Variants in RGS22 observed in about 807,000 individuals in gnomAD.
RGS22 encodes the protein regulator of G-protein signaling 22.
In RGS22, 148 loss-of-function variants were observed where a neutral mutation model predicts 172.9. That is an observed-to-expected ratio of 0.86 (90% CI 0.75 to 0.98). The LOEUF (loss-of-function observed/expected upper bound fraction) is 0.98, where lower values mean the gene tolerates loss of function less well. Among genes scored for constraint, RGS22 ranks in the 50% least tolerant of loss-of-function variants. RGS22 has a pLI of 0.00. For missense variants in RGS22, 1,347 were observed against 1,440.8 expected, an observed-to-expected ratio of 0.93 and a Z score of 1.05; for synonymous variants, 458 against 480.2, an observed-to-expected ratio of 0.95 and a Z score of 0.60.
rs1563597602 is a variant in RGS22 at position 100,001,209 on chromosome 8, T to TATAC, written c.2790+992_2790+993insGTAT. On this transcript the variant is annotated intron_variant, in intron 18 of 27. Coordinates refer to ENST00000360863, the MANE Select transcript of RGS22 (RefSeq NM_015668.5). The stretch of plus-strand genomic sequence containing the variant: ...CCGCTGAATCCCAATTTTTTATATA[T>TATAC]ATATATATATACATATATATATATA... Among the ~76,000 whole-genome samples, 3 of 134,916 alleles carry TATAC rather than the reference T, an allele frequency of 2.2e-5. 1 individual carries two copies. Among genetic ancestry groups the TATAC allele is most frequent in the Non-Finnish European group, 4.7e-5 (3 of 63,600 alleles). The allele number at this position is 134,916 out of a possible 152,430, so 88.5% of individuals were successfully genotyped here. A position where few individuals can be genotyped will look rare whatever the true frequency, so the allele number is the denominator to read the frequency against.
intron 15 of RGS22, among the ~76,000 whole-genome samples, chr8:100,006,352 T>G (rs1815712610): frequency 1.3e-5 from 2 of 152,332 alleles, no homozygotes; most frequent in South Asian, 4.1e-4. Flanking sequence ...TCTGGAGGAA[T>G]GTAAACTTAC....
At chr8:100,088,754 A>AG (rs1485489464) in intron 3 of RGS22, among the ~76,000 whole-genome samples, 1 of 152,122 alleles carries the variant, frequency 6.6e-6, no homozygotes, top group East Asian at 1.9e-4. Context: ...GAAATAGTGT[A>AG]GGGGCCAGAA....
chr8:100,026,726 T>C (rs1389166220), intron 14 of RGS22, among the ~76,000 whole-genome samples: 1 of 152,232 alleles, frequency 6.6e-6, no homozygotes, highest in African/African-American at 2.4e-5. Flanking sequence ...AAATTGATTC[T>C]GAAGTTGTTA....
chr8:100,001,202 T>TTA (rs140189906), intron 18 of RGS22, among the ~76,000 whole-genome samples: 3,383 of 124,678 alleles, frequency 0.027, 93 homozygotes, highest in East Asian at 0.11. Context: ...TCCCAATTTT[T>TTA]TATATATATA....
intron 19 of RGS22, among the ~76,000 whole-genome samples, chr8:99,998,568 C>A (rs1814639512): frequency 6.6e-6 from 1 of 152,070 alleles, no homozygotes. Context: ...GACACTGAGA[C>A]AACAGGGTGA....
intron 2 of RGS22, among the ~76,000 whole-genome samples, chr8:100,103,539 C>G (rs762302624): frequency 2.0e-5 from 3 of 152,092 alleles, no homozygotes; most frequent in Non-Finnish European, 4.4e-5. Context: ...ACTGTTGACA[C>G]GGACATTCAG....
intron 11 of RGS22, chr8:100,046,086 A>G (rs1488020387): frequency 1.3e-5 from 2 of 152,116 alleles, no homozygotes; most frequent in African/African-American, 2.4e-5. Flanking sequence ...AAAATCTAAG[A>G]TATTTTAATA....
At chr8:100,075,009 A>T (rs1811246953) in intron 4 of RGS22, among the ~76,000 whole-genome samples, 1 of 152,036 alleles carries the variant, frequency 6.6e-6, no homozygotes, top group South Asian at 2.1e-4. Context: ...TGACCTCATG[A>T]TCCAGCCGTC....
intron 25 of RGS22, 49 bp from the exon 26 acceptor site, chr8:99,962,816 A>G (rs1337621176): frequency 1.3e-6 from 2 of 1,583,402 alleles, no homozygotes; most frequent in Admixed American, 1.9e-5. Flanking sequence ...AAATATTGGC[A>G]AAGTCTTCTA....
chr8:99,990,207 T>C (rs935294762), intron 20 of RGS22, among the ~76,000 whole-genome samples: 3 of 152,092 alleles, frequency 2.0e-5, no homozygotes, highest in Non-Finnish European at 4.4e-5. Context: ...AGGAGTTAGA[T>C]GTGATAATGA....
rs1473432500 is a variant in RGS22, at chr8:100,051,530, TATAC to T, written c.1689+1268_1689+1271del. ...ATATATAAATATATTTTTATATATT[TATAC>T]ATATATATTTATACATGTATTTATA... On this transcript the variant is annotated intron_variant, in intron 10 of 27. Transcript: ENST00000360863. 4.3e-5 allele frequency among the ~76,000 whole-genome samples: 4 copies of T among 92,274 alleles called. 1 individual carries two copies. Among genetic ancestry groups the T allele is most frequent in the African/African-American group, 1.4e-4 (3 of 22,138 alleles). The allele number at this position is 92,274 out of a possible 152,430, so 60.5% of individuals were successfully genotyped here.
chr8:99,996,572 A>G, intron 19 of RGS22, 42 bp from the exon 20 acceptor site: 1 of 1,488,520 alleles, frequency 6.7e-7, no homozygotes, highest in Non-Finnish European at 9.3e-7. Context: ...TATTCAGACT[A>G]AAGGCTTGAA....
intron 22 of RGS22, among the ~76,000 whole-genome samples, chr8:99,981,014 G>A (rs1482134648): frequency 6.6e-6 from 1 of 152,118 alleles, no homozygotes; most frequent in African/African-American, 2.4e-5. Flanking sequence ...GAACACAGCT[G>A]GCTCTCAAAT....
chr8:100,090,142 T>C (rs755863629), intron 3 of RGS22, among the ~76,000 whole-genome samples: 2 of 152,178 alleles, frequency 1.3e-5, no homozygotes, highest in Non-Finnish European at 2.9e-5. Flanking sequence ...GCACTAAACC[T>C]GTGCCAGGCG....
At chr8:99,989,119 T>A (rs1813415143) in intron 20 of RGS22, among the ~76,000 whole-genome samples, 1 of 152,134 alleles carries the variant, frequency 6.6e-6, no homozygotes, top group East Asian at 1.9e-4. Context: ...AAAAGTTTCT[T>A]TCTTTTCAAG....
intron 4 of RGS22, 111 bp from the exon 5 acceptor site, chr8:100,072,341 A>AC (rs947369307): frequency 6.9e-6 from 4 of 582,810 alleles, no homozygotes; most frequent in South Asian, 4.9e-5. Context: ...CAGGAGCCCT[A>AC]CCCCTAGGTC....
intron 9 of RGS22, among the ~76,000 whole-genome samples, chr8:100,060,053 TTAAAA>T (rs1235501365): frequency 6.6e-6 from 1 of 152,120 alleles, no homozygotes; most frequent in East Asian, 1.9e-4. Context: ...TACAGTTATC[TTAAAA>T]TAAAAAGTCT....
chr8:100,068,592 C>T (rs533175827), intron 6 of RGS22, among the ~76,000 whole-genome samples: 1 of 152,136 alleles, frequency 6.6e-6, no homozygotes, highest in East Asian at 1.9e-4. Context: ...ACTATGAGTA[C>T]ATATTTTTTA....
chr8:100,045,531 A>G (rs1042670248), intron 11 of RGS22, among the ~76,000 whole-genome samples: 4 of 152,148 alleles, frequency 2.6e-5, no homozygotes, highest in Non-Finnish European at 5.9e-5. Flanking sequence ...TTTAAAATAT[A>G]TGTTTAGAAA....
Sources: allele counts gnomAD v4.1 joint callset (sites outside exome capture counted in the v4.1 genomes callset), GRCh38; gene constraint gnomAD v4.1.1; transcripts MANE v1.5; gene names NCBI Gene and HGNC (gene_info 2026-07-23, HGNC 2026-07-21).